Variants in CD3G observed in about 807,000 individuals in gnomAD.
The protein encoded by CD3G is CD3 gamma subunit of T-cell receptor complex.
CD3G carries 24 observed loss-of-function variants against 28.3 expected under a neutral mutation model. That is an observed-to-expected ratio of 0.85 (90% CI 0.61 to 1.19). The LOEUF (loss-of-function observed/expected upper bound fraction) is 1.19. CD3G is among the 50% of genes most tolerant of loss of function. The pLI is 0.00. For missense variants in CD3G, 211 were observed against 210.0 expected, an observed-to-expected ratio of 1.00 and a Z score of -0.03; for synonymous variants, 71 against 75.9, an observed-to-expected ratio of 0.93 and a Z score of 0.34.
At chr11:118,350,831 A>C in intron 4 of CD3G, 148 bp downstream of exon 4, 1 of 1,509,566 alleles carries the variant, frequency 6.6e-7, no homozygotes, top group Non-Finnish European at 8.8e-7. Flanking sequence ...AGACAGGAGA[A>C]AGGATACTTG....
At chr11:118,351,301 A>G (rs1445819273) in intron 4 of CD3G, among the ~76,000 whole-genome samples, 3 of 152,106 alleles carry the variant, frequency 2.0e-5, no homozygotes, top group East Asian at 3.9e-4. Flanking sequence ...TGCAGCCAGC[A>G]CATAATTTAA....
At chr11:118,351,585 T>C (rs200026894) in intron 4 of CD3G, 43 bp from the exon 5 acceptor site, 35 of 1,602,730 alleles carry the variant, frequency 2.2e-5, no homozygotes, top group Non-Finnish European at 2.6e-5. Flanking sequence ...CCCAATTTAT[T>C]ATGCATTCTA....
chr11:118,349,764 A>G lies in CD3G; in HGVS notation c.101A>G (p.Tyr34Cys), dbSNP rs765027477. Residue 34 changes from tyrosine (Y) to cysteine (C), a missense_variant, in exon 3 of 7, where the codon TAT (tyrosine) becomes TGT (cysteine). Transcript: ENST00000532917. ...SIKGNHLVKVYDYQEDGSVLL... is the reference protein window; with the variant it reads ...SIKGNHLVKVCDYQEDGSVLL... ...TCAGGAAACCACTTGGTTAAGGTGTATGACTATCAAGAAGATGGTTCGGTA... is the reference window on the plus strand; with the variant it reads ...TCAGGAAACCACTTGGTTAAGGTGTGTGACTATCAAGAAGATGGTTCGGTA... 5 of 1,613,992 alleles carry G rather than the reference A, an allele frequency of 3.1e-6. No individual in the cohort carries two copies. The highest frequency in any genetic ancestry group is 4.2e-6 in the Non-Finnish European group (5 of 1,179,832).
At position 118,344,486 on chromosome 11, in the gene CD3G, C is replaced by T. The variant is rs1342882807; in HGVS notation, c.55+8C>T. The T allele has an allele frequency of 1.9e-6, 3 of 1,560,784 alleles. No homozygotes were observed. Among genetic ancestry groups the T allele is most frequent in the Non-Finnish European group, 2.6e-6 (3 of 1,151,232 alleles). On this transcript the variant is annotated splice_region_variant and intron_variant, in intron 1 of 6. Coordinates refer to ENST00000532917, the MANE Select transcript of CD3G (RefSeq NM_000073.3). ...CTATCATTCTTCTTCAAGGTAAGGG[C>T]CTACTAGGGGTCTGGAAGCCTGGGG...
chr11:118,347,483 CTT>C (rs1258186975), intron 1 of CD3G, among the ~76,000 whole-genome samples: 4 of 152,166 alleles, frequency 2.6e-5, no homozygotes, highest in African/African-American at 9.7e-5. Context: ...TATCAGCACT[CTT>C]TTCTTTCATA....
At chr11:118,346,217 TGAGGTCAG>T (rs937354863) in intron 1 of CD3G, among the ~76,000 whole-genome samples, 16 of 152,274 alleles carry the variant, frequency 1.1e-4, no homozygotes, top group African/African-American at 3.9e-4. Context: ...GTGGATCACC[TGAGGTCAG>T]GAGTTCGAGA....
chr11:118,352,346 A>T (rs1662704), intron 5 of CD3G, 58 bp from the exon 6 acceptor site: 4 of 1,381,304 alleles, frequency 2.9e-6, no homozygotes, highest in Non-Finnish European at 4.1e-6. Context: ...ATAAACATGC[A>T]TCAAATTAAT....
rs1176420202 is a variant in CD3G, at chr11:118,344,444, G to T, written c.21G>T (p.Leu7=). 3.2e-6 allele frequency: 5 copies of T among 1,572,290 alleles called. No homozygotes were observed. The highest frequency in any genetic ancestry group is 3.5e-6 in the Non-Finnish European group (4 of 1,158,206). MEQGKG[L]AVLILAIILL... is the part of the protein sequence containing the mutation. ...CTGACATGGAACAGGGGAAGGGCCT[G>T]GCTGTCCTCATCCTGGCTATCATTC... The change falls in exon 1 of 7, where the codon CTG becomes CTT. Residue 7 remains leucine, a synonymous_variant. Coordinates refer to ENST00000532917, the MANE Select transcript of CD3G (RefSeq NM_000073.3).
chr11:118,349,821 T>C lies in CD3G; in HGVS notation c.158T>C (p.Ile53Thr), dbSNP rs142915569. The change falls in exon 3 of 7, where the codon ATC becomes ACC. Residue 53 changes from isoleucine to threonine, a missense_variant. Transcript: ENST00000532917. ...ACTTGTGATGCAGAAGCCAAAAATA[T>C]CACATGGTTTAAAGATGGGAAGATG... ...LLTCDAEAKN[I>T]TWFKDGKMIG... 3,090 of 1,613,980 alleles carry C rather than the reference T, an allele frequency of 1.9e-3. 3 individuals are homozygous for C. Among genetic ancestry groups the C allele is most frequent in the Non-Finnish European group, 2.2e-3 (2,567 of 1,179,990 alleles).
chr11:118,352,207 C>T (rs1383174312), intron 5 of CD3G, among the ~76,000 whole-genome samples, 197 bp from the exon 6 acceptor site: 1 of 150,560 alleles, frequency 6.6e-6, no homozygotes, highest in Non-Finnish European at 1.5e-5. Context: ...CAGAGAAAGA[C>T]TCCGTCTCAA....
At chr11:118,349,227 C>T (rs1051939797) in intron 2 of CD3G, 177 bp downstream of exon 2, 2 of 1,546,724 alleles carry the variant, frequency 1.3e-6, no homozygotes, top group Admixed American at 1.9e-5. Context: ...TTCCGGGCAG[C>T]TTGCCTGTAG....
At chr11:118,349,442 G>A in intron 2 of CD3G, 2 of 667,878 alleles carry the variant, frequency 3.0e-6, no homozygotes, top group Non-Finnish European at 4.7e-6. Flanking sequence ...TACCTGTATA[G>A]TATCTTCCAA....
chr11:118,349,171 G>T, intron 2 of CD3G, 121 bp downstream of exon 2: 1 of 1,607,400 alleles, frequency 6.2e-7, no homozygotes. Context: ...GGGATAGAGA[G>T]GTGATGTCTC....
intron 1 of CD3G, among the ~76,000 whole-genome samples, chr11:118,345,528 G>A (rs912207239): frequency 2.6e-5 from 4 of 152,186 alleles, no homozygotes; most frequent in Non-Finnish European, 5.9e-5. Context: ...ACATTTGGAT[G>A]AGGAGGGAGA....
chr11:118,352,430 G>A lies in CD3G; in HGVS notation c.510G>A (p.Gln170=). 1.2e-6 allele frequency: 2 copies of A among 1,614,114 alleles called. No homozygotes were observed. The highest frequency in any genetic ancestry group is 1.1e-5 in the South Asian group (1 of 91,086). ...YQPLKDREDD[Q]YSHLQGNQLR... ...CCCTCAAGGATCGAGAAGATGACCA[G>A]TACAGCCACCTTCAAGGAAACCAGT... Residue 170 remains glutamine, a synonymous_variant, in exon 6 of 7, where the codon CAG becomes CAA. Transcript: ENST00000532917.
At chr11:118,345,703 CAG>C (rs1161203310) in intron 1 of CD3G, among the ~76,000 whole-genome samples, 1 of 152,082 alleles carries the variant, frequency 6.6e-6, no homozygotes, top group African/African-American at 2.4e-5. Context: ...GTCAAGAGCA[CAG>C]AGAGGAAGGC....
intron 1 of CD3G, 103 bp from the exon 2 acceptor site, chr11:118,348,924 T>C: frequency 1.5e-6 from 2 of 1,298,772 alleles, no homozygotes; most frequent in Non-Finnish European, 2.2e-6. Flanking sequence ...TTCATGGATT[T>C]GGATCTTTCT....
chr11:118,349,801 T>G lies in CD3G; in HGVS notation c.138T>G (p.Cys46Trp), dbSNP rs755772753. Residue 46 changes from cysteine to tryptophan, a missense_variant, in exon 3 of 7, where the codon TGT becomes TGG. By Grantham distance (215) the Cys-to-Trp change is radical (BLOSUM62 -2). Transcript: ENST00000532917. Reference sequence around the variant, plus strand: ...AAGATGGTTCGGTACTTCTGACTTGTGATGCAGAAGCCAAAAATATCACAT... The same window carrying G: ...AAGATGGTTCGGTACTTCTGACTTGGGATGCAGAAGCCAAAAATATCACAT... ...YQEDGSVLLT[C>W]DAEAKNITWF... 3 of 1,614,038 alleles carry G rather than the reference T, an allele frequency of 1.9e-6. No homozygotes were observed. The highest frequency in any genetic ancestry group is 1.7e-6 in the Non-Finnish European group (2 of 1,179,996).
At chr11:118,349,304 G>A in intron 2 of CD3G, 1 of 1,413,932 alleles carries the variant, frequency 7.1e-7, no homozygotes, top group Non-Finnish European at 9.2e-7. Context: ...ATCTCAAACT[G>A]TGACCCATGA....
Sources: allele counts gnomAD v4.1 joint callset (sites outside exome capture counted in the v4.1 genomes callset), GRCh38; gene constraint gnomAD v4.1.1; transcripts MANE v1.5; gene names NCBI Gene and HGNC (gene_info 2026-07-23, HGNC 2026-07-21).